PLAC1: variants seen among roughly 807,000 people sequenced by gnomAD.
PLAC1 encodes placenta associated 1.
For synonymous variants in PLAC1, 68 were observed against 62.1 expected (o/e 1.09, Z -0.44); for missense variants, 136 against 163.2 (o/e 0.83, Z 0.91).
chrX:134,608,034 A>G (rs2078131616), intron 1 of PLAC1, among the ~76,000 whole-genome samples: 1 of 112,293 alleles, frequency 8.9e-6, no homozygotes, highest in South Asian at 3.7e-4. Flanking sequence ...TCAAGCTGCA[A>G]AAGAAAAATA....
chrX:134,607,294 T>A (rs2078127046), intron 1 of PLAC1: 1 of 147,258 alleles, frequency 6.8e-6, no homozygotes, highest in Admixed American at 6.1e-5. Context: ...TGGGCACTGT[T>A]CAGAAAGGAA....
intron 1 of PLAC1, among the ~76,000 whole-genome samples, chrX:134,734,890 G>A (rs926190922): frequency 9.1e-6 from 1 of 110,416 alleles, no homozygotes; most frequent in African/African-American, 3.3e-5. Context: ...TGGACTGCTG[G>A]GGCCATCCCC....
At chrX:134,608,216 A>G (rs1474659623) in intron 1 of PLAC1, among the ~76,000 whole-genome samples, 1 of 112,033 alleles carries the variant, frequency 8.9e-6, no homozygotes, top group Non-Finnish European at 1.9e-5. Flanking sequence ...TGTTCAAACA[A>G]AAACTTGTAT....
At chrX:134,685,267 A>G (rs1277684595) in intron 2 of PLAC1, among the ~76,000 whole-genome samples, 1 of 111,431 alleles carries the variant, frequency 9.0e-6, no homozygotes, top group African/African-American at 3.3e-5. Flanking sequence ...GCAGTGAAAC[A>G]AGAGCTGAGC....
intron 1 of PLAC1, among the ~76,000 whole-genome samples, chrX:134,751,167 A>G (rs2078744354): frequency 9.6e-6 from 1 of 104,378 alleles, no homozygotes; most frequent in Admixed American, 1.1e-4. Context: ...ATTATAATGA[A>G]ATAAAGCTAA....
intron 2 of PLAC1, among the ~76,000 whole-genome samples, chrX:134,590,012 G>A (rs1026942032): frequency 9.9e-5 from 9 of 90,456 alleles, no homozygotes; most frequent in African/African-American, 3.7e-4. Flanking sequence ...TGGCTAACAT[G>A]GTGAAAACCC....
intron 1 of PLAC1, among the ~76,000 whole-genome samples, chrX:134,607,832 A>G (rs2078130836): frequency 9.0e-6 from 1 of 110,666 alleles, no homozygotes; most frequent in African/African-American, 3.3e-5. Flanking sequence ...CCTCGGCACT[A>G]GAGCAGCAAG....
intron 1 of PLAC1, among the ~76,000 whole-genome samples, chrX:134,750,802 C>CA (rs748923622): frequency 0.74 from 7,348 of 9,935 alleles, 2,815 homozygotes; most frequent in Admixed American, 0.83. Context: ...AATAAAAATA[C>CA]AAAAAAAAAA....
intron 1 of PLAC1, among the ~76,000 whole-genome samples, chrX:134,740,232 G>A (rs2078713638): frequency 9.3e-6 from 1 of 107,976 alleles, no homozygotes; most frequent in Non-Finnish European, 1.9e-5. Context: ...CAGGTGTATC[G>A]CTTGAACCCG....
chrX:134,663,251 C>T (rs2078422749), upstream of PLAC1, among the ~76,000 whole-genome samples: 1 of 112,813 alleles, frequency 8.9e-6, no homozygotes, highest in Non-Finnish European at 1.9e-5. Context: ...TCAACCAATA[C>T]TTATGTCAGA....
intron 1 of PLAC1, among the ~76,000 whole-genome samples, chrX:134,755,636 GA>G (rs1263980527): frequency 9.0e-6 from 1 of 110,926 alleles, no homozygotes; most frequent in Non-Finnish European, 1.9e-5. Context: ...TACTATGTGT[GA>G]AGTTGAGTAT....
At chrX:134,630,854 A>G (rs193285345) in intron 1 of PLAC1, among the ~76,000 whole-genome samples, 1 of 112,089 alleles carries the variant, frequency 8.9e-6, no homozygotes, top group African/African-American at 3.2e-5. Context: ...ATCACCCAGC[A>G]TGTGCCTTGA....
At chrX:134,590,466 C>T (rs2078032950) in intron 2 of PLAC1, among the ~76,000 whole-genome samples, 1 of 111,663 alleles carries the variant, frequency 9.0e-6, no homozygotes, top group Admixed American at 9.5e-5. Context: ...ATTCACACAT[C>T]ATTACTTAGT....
chrX:134,656,885 C>T (rs753703544), intron 1 of PLAC1, among the ~76,000 whole-genome samples: 2 of 111,971 alleles, frequency 1.8e-5, no homozygotes. Context: ...CCATGCCCAG[C>T]CTTTTTTTTT....
At chrX:134,658,161 C>T (rs1442374179) in intron 1 of PLAC1, among the ~76,000 whole-genome samples, 167 bp downstream of exon 1, 4 of 112,697 alleles carry the variant, frequency 3.5e-5, no homozygotes, top group Non-Finnish European at 5.6e-5. Context: ...GCAATAATTG[C>T]ATGGCCAGAT....
intron 1 of PLAC1, among the ~76,000 whole-genome samples, chrX:134,653,229 C>G (rs1245591735): frequency 8.9e-6 from 1 of 112,207 alleles, no homozygotes; most frequent in Non-Finnish European, 1.9e-5. Context: ...CTACCAGTGG[C>G]TCAGGGGCCA....
intron 2 of PLAC1, among the ~76,000 whole-genome samples, chrX:134,703,957 T>G (rs757406942): frequency 1.9e-5 from 2 of 106,643 alleles, no homozygotes; most frequent in East Asian, 6.1e-4. Context: ...TTTCTCTCTC[T>G]GGTTAATACC....
intron 2 of PLAC1, among the ~76,000 whole-genome samples, chrX:134,571,641 A>G (rs2077908640): frequency 1.8e-5 from 2 of 111,970 alleles, no homozygotes; most frequent in South Asian, 7.4e-4. Context: ...AGCATTTTTA[A>G]TCTCAGGACC....
chrX:134,727,825 CTT>C (rs1259774175), intron 2 of PLAC1, among the ~76,000 whole-genome samples: 2 of 111,657 alleles, frequency 1.8e-5, no homozygotes, highest in African/African-American at 6.5e-5. Context: ...TGATGTTGGA[CTT>C]TTTACACAAA....
Sources: gnomAD v4.1 joint callset for allele counts (sites outside exome capture counted in the v4.1 genomes callset) on GRCh38, gnomAD v4.1.1 for gene constraint, MANE v1.5 for transcripts, NCBI Gene and HGNC (gene_info 2026-07-23, HGNC 2026-07-21) for gene names.